ATE1: variants seen among roughly 807,000 people sequenced by gnomAD.
ATE1 encodes the protein arginyl-tRNA--protein transferase 1.
Under a neutral mutation model 70.5 loss-of-function variants are expected in ATE1, and 36 were observed. The observed-to-expected ratio is 0.51, with a 90% CI of 0.39 to 0.67. ATE1 has a LOEUF of 0.67. Ranked by LOEUF, ATE1 falls within the 30% of genes least tolerant of loss-of-function variation. ATE1 has a pLI of 0.00. For synonymous variants in ATE1, 232 were observed against 219.3 expected (o/e 1.06, Z -0.51); for missense variants, 593 against 629.5 (o/e 0.94, Z 0.62).
At chr10:121,744,026 G>A (rs571057609) in intron 11 of ATE1, among the ~76,000 whole-genome samples, 168 bp from the exon 12 acceptor site, 47 of 144,846 alleles carry the variant, frequency 3.2e-4, no homozygotes, top group African/African-American at 1.1e-3. Context: ...AAGTTAATGC[G>A]AGTCTCCTGC....
chr10:121,786,202 GTTTTTTTTTTTTTTTT>G (rs66781912), intron 11 of ATE1, among the ~76,000 whole-genome samples: 56 of 84,522 alleles, frequency 6.6e-4, no homozygotes, highest in Non-Finnish European at 8.1e-4. Flanking sequence ...GCTCAAGAAA[GTTTTTTTTTTTTTTTT>G]TTTTTTTTTT....
At position 121,790,295 on chromosome 10, in the gene ATE1, G is replaced by T; in HGVS notation, c.1258-6C>A. 2 of 1,612,188 alleles carry T rather than the reference G, an allele frequency of 1.2e-6. No homozygotes were observed. Among genetic ancestry groups the T allele is most frequent in the South Asian group, 2.2e-5 (2 of 90,592 alleles). ...TCAGAAGGTCTATACTGACCCTGAA[G>T]AAAAGTGAAGGAAAAAGGCACAGGC... On this transcript the variant is annotated splice_polypyrimidine_tract_variant and splice_region_variant and intron_variant, in intron 10 of 11. Transcript: ENST00000224652.
rs1270110279 is a variant in ATE1 at position 121,913,422 on chromosome 10, C to G, written c.337+368G>C. Among the ~76,000 whole-genome samples the G allele has an allele frequency of 7.2e-5, 11 of 152,188 alleles. 1 individual carries two copies. Among genetic ancestry groups the G allele is most frequent in the Admixed American group, 7.2e-4 (11 of 15,266 alleles). ...AAGGAATAGGGCAATCTTGTCCAAG[C>G]TGCATGTAAGCACTTGCTTCTTGAG... is the stretch of plus-strand genomic sequence containing the variant. On this transcript the variant is annotated intron_variant, in intron 4 of 11. Coordinates refer to ENST00000224652, the MANE Select transcript of ATE1 (RefSeq NM_001001976.3).
chr10:121,902,255 T>C, intron 6 of ATE1, 136 bp downstream of exon 6: 1 of 816,602 alleles, frequency 1.2e-6, no homozygotes, highest in Non-Finnish European at 1.9e-6. Flanking sequence ...TTCTTCCCAG[T>C]TCTCTTTAAT....
intron 7 of ATE1, among the ~76,000 whole-genome samples, chr10:121,878,787 A>G (rs754854071): frequency 4.3e-4 from 66 of 152,256 alleles, no homozygotes; most frequent in Non-Finnish European, 5.6e-4. Context: ...TATCTTAGCA[A>G]TTATCTAGTT....
chr10:121,922,513 C>A (rs1411964100), intron 2 of ATE1, 102 bp from the exon 3 acceptor site: 2 of 714,372 alleles, frequency 2.8e-6, no homozygotes, highest in Admixed American at 2.7e-5. Flanking sequence ...ATCTAATCAA[C>A]ATTGTAGAAA....
chr10:121,765,242 C>A (rs2132909), intron 11 of ATE1, among the ~76,000 whole-genome samples: 123,299 of 152,088 alleles, frequency 0.81, 50,413 homozygotes, highest in Middle Eastern at 0.9. Flanking sequence ...CCTACCCCTC[C>A]ATGAGAAGTC....
chr10:121,811,689 C>A (rs2133475810), intron 10 of ATE1, among the ~76,000 whole-genome samples: 1 of 152,184 alleles, frequency 6.6e-6, no homozygotes, highest in African/African-American at 2.4e-5. Flanking sequence ...ACTAAACTGA[C>A]CCTAAAAAAG....
intron 10 of ATE1, among the ~76,000 whole-genome samples, chr10:121,809,373 C>T (rs541085182): frequency 4.6e-4 from 70 of 151,870 alleles, no homozygotes; most frequent in African/African-American, 1.1e-3. Context: ...CTCAGCTACA[C>T]GAGTGTTTTT....
At chr10:121,882,168 T>A (rs944501629) in intron 7 of ATE1, among the ~76,000 whole-genome samples, 1 of 151,750 alleles carries the variant, frequency 6.6e-6, no homozygotes, top group Non-Finnish European at 1.5e-5. Flanking sequence ...TATATGTTGA[T>A]AAATCAAACT....
chr10:121,903,135 C>T (rs564298546), intron 5 of ATE1, among the ~76,000 whole-genome samples: 2 of 152,190 alleles, frequency 1.3e-5, no homozygotes, highest in African/African-American at 4.8e-5. Flanking sequence ...GTGATTCACC[C>T]ACCTTGGCCT....
intron 8 of ATE1, among the ~76,000 whole-genome samples, chr10:121,849,119 G>A (rs1207864108): frequency 6.7e-6 from 1 of 148,474 alleles, no homozygotes; most frequent in East Asian, 2.0e-4. Flanking sequence ...GCTGAGGCAC[G>A]AGAATTGCTT....
Position 121,811,294 on chromosome 10 carries a change from AAG to A in ATE1, c.1258-21007_1258-21006del, listed in dbSNP as rs372983343. Reference sequence around the variant, plus strand: ...TAAACAGGGAGAGAGAGGGGGAGAAAAGAGGGAGAAAAAAATGACAACAGATA... The same window carrying A: ...TAAACAGGGAGAGAGAGGGGGAGAAAAGGGAGAAAAAAATGACAACAGATA... On this transcript the variant is annotated intron_variant, in intron 10 of 11. Transcript: ENST00000224652. Among the ~76,000 whole-genome samples, 78 of 152,212 alleles carry A rather than the reference AAG, an allele frequency of 5.1e-4. 1 individual carries two copies. Among genetic ancestry groups the A allele is most frequent in the African/African-American group, 1.7e-3 (70 of 41,478 alleles).
chr10:121,841,012 A>G, intron 9 of ATE1, 70 bp downstream of exon 9: 1 of 1,270,790 alleles, frequency 7.9e-7, no homozygotes, highest in Non-Finnish European at 1.0e-6. Context: ...ACATAATTAA[A>G]TATAATCAAA....
chr10:121,917,588 A>C (rs1284382262), intron 3 of ATE1, among the ~76,000 whole-genome samples: 3 of 152,152 alleles, frequency 2.0e-5, no homozygotes, highest in African/African-American at 2.4e-5. Flanking sequence ...AGAAAACTAA[A>C]TCCTTATCTT....
At chr10:121,913,666 C>T (rs1021114068) in intron 4 of ATE1, 124 bp downstream of exon 4, 9 of 568,410 alleles carry the variant, frequency 1.6e-5, no homozygotes, top group South Asian at 9.0e-5. Context: ...TAACAGTAGT[C>T]GCTGTCATCA....
intron 11 of ATE1, among the ~76,000 whole-genome samples, chr10:121,765,550 T>C (rs1244729683): frequency 6.6e-6 from 1 of 152,118 alleles, no homozygotes; most frequent in Admixed American, 6.5e-5. Context: ...CCTTAAAAAA[T>C]ATCAGTGCAC....
At chr10:121,895,546 G>A (rs11200232) in intron 7 of ATE1, among the ~76,000 whole-genome samples, 20,016 of 152,006 alleles carry the variant, frequency 0.13, 1,518 homozygotes, top group East Asian at 0.19. Context: ...CCTTGGAGGC[G>A]GAGGTTGCAG....
At chr10:121,863,913 A>G (rs749115274) in intron 8 of ATE1, among the ~76,000 whole-genome samples, 1 of 152,190 alleles carries the variant, frequency 6.6e-6, no homozygotes, top group Non-Finnish European at 1.5e-5. Context: ...CTTTCCTAGG[A>G]TAAGTATTCG....
Sources: allele counts gnomAD v4.1 joint callset (sites outside exome capture counted in the v4.1 genomes callset), GRCh38; gene constraint gnomAD v4.1.1; transcripts MANE v1.5; gene names NCBI Gene and HGNC (gene_info 2026-07-23, HGNC 2026-07-21).